The following KIRREL3 variants were observed in gnomAD, a reference collection of about 807,000 sequenced individuals.
KIRREL3 encodes kin of IRRE-like protein 3.
In KIRREL3, 36 loss-of-function variants were observed where a neutral mutation model predicts 89.7. The ratio of observed to expected loss-of-function variants is 0.40; its 90% confidence interval spans 0.31 to 0.53. The LOEUF (loss-of-function observed/expected upper bound fraction) is 0.53, where lower values mean the gene tolerates loss of function less well. Among genes scored for constraint, KIRREL3 ranks in the 20% least tolerant of loss-of-function variants. The pLI is 0.49. For missense variants in KIRREL3, 864 were observed against 1,056.6 expected (o/e 0.82, Z 2.53); for synonymous variants, 445 against 441.4 (o/e 1.01, Z -0.10).
Position 126,639,608 on chromosome 11 carries a change from G to C in KIRREL3, c.56-76696C>G, listed in dbSNP as rs764230850. ...GCTCTGCAAGCTGGAGATGAGATCG[G>C]CTAATCCTGACTCTATTCTTTCGTC... On this transcript the variant is annotated intron_variant, in intron 1 of 16. Transcript: ENST00000525144. The surrounding 1 kb of genome is among the most constrained non-coding windows in gnomAD (Gnocchi z 4.3). 3.3e-5 allele frequency among the ~76,000 whole-genome samples: 5 copies of C among 152,222 alleles called. No homozygotes were observed. Among genetic ancestry groups the C allele is most frequent in the Admixed American group, 1.3e-4 (2 of 15,282 alleles).
rs1256184334 is a variant in KIRREL3 at position 126,579,260 on chromosome 11, C to A, written c.56-16348G>T. Reference sequence around the variant, plus strand: ...TTATCATGTGGGAGGGTAGTTAGTTCCCAAACGCAGGTGAGTATAAAATCC... The same window carrying A: ...TTATCATGTGGGAGGGTAGTTAGTTACCAAACGCAGGTGAGTATAAAATCC... On this transcript the variant is annotated intron_variant, in intron 1 of 16. Transcript: ENST00000525144. The surrounding 1 kb of genome is among the most constrained non-coding windows in gnomAD (Gnocchi z 5.3). Among the ~76,000 whole-genome samples, 1 of 152,050 alleles carries A rather than the reference C, an allele frequency of 6.6e-6. No individual in the cohort carries two copies.
chr11:126,582,478 C>T (rs1453202221), intron 1 of KIRREL3, among the ~76,000 whole-genome samples: 3 of 152,160 alleles, frequency 2.0e-5, no homozygotes, highest in Non-Finnish European at 2.9e-5. Context: ...TCTGCTATAG[C>T]GGAAGAAAAT....
rs1940828852 is a variant in KIRREL3, at chr11:126,570,294, CCATT to C, written c.56-7386_56-7383del. Among the ~76,000 whole-genome samples, 1 of 152,102 alleles carries C rather than the reference CCATT, an allele frequency of 6.6e-6. No homozygotes were observed. Among genetic ancestry groups the C allele is most frequent in the African/African-American group, 2.4e-5 (1 of 41,416 alleles). The stretch of plus-strand genomic sequence containing the variant: ...AATTATACTAGAACTAAGTTTTTCC[CCATT>C]CATATTATCAATTAGTTGTTTTAAA... On this transcript the variant is annotated intron_variant, in intron 1 of 16. Transcript: ENST00000525144. This position sits in a 1 kb window ranked among gnomAD's most constrained non-coding sequence, Gnocchi z 6.1.
rs778021286 is a variant in KIRREL3, at chr11:126,476,426, T to C, written c.434-2960A>G. On this transcript the variant is annotated intron_variant, in intron 4 of 16. Transcript: ENST00000525144. The surrounding 1 kb of genome is among the most constrained non-coding windows in gnomAD (Gnocchi z 6.4). ...ACCCAGAGGACGGGCCCTTCCTCCTTGTGGCTGGAGTGTTGTGTTACTGGA... is the reference window on the plus strand; with the variant it reads ...ACCCAGAGGACGGGCCCTTCCTCCTCGTGGCTGGAGTGTTGTGTTACTGGA... Among the ~76,000 whole-genome samples, 34 of 151,978 alleles carry C rather than the reference T, an allele frequency of 2.2e-4. No homozygotes were observed. Among genetic ancestry groups the C allele is most frequent in the Non-Finnish European group, 4.0e-4 (27 of 67,972 alleles).
intron 1 of KIRREL3, among the ~76,000 whole-genome samples, chr11:126,834,853 G>A (rs1943726387): frequency 6.6e-6 from 1 of 152,240 alleles, no homozygotes; most frequent in Non-Finnish European, 1.5e-5. Flanking sequence ...GAAGCTCACA[G>A]CAAACAAATC....
intron 1 of KIRREL3, among the ~76,000 whole-genome samples, chr11:126,942,317 G>A (rs75456932): frequency 3.3e-5 from 5 of 152,126 alleles, no homozygotes; most frequent in African/African-American, 1.2e-4. Flanking sequence ...TAAACACTGA[G>A]TATCTTTAAC....
rs1171306684 is a variant in KIRREL3, at chr11:126,768,170, A to ATCC, written c.56-205259_56-205258insGGA. ...CATCCATCCATCCATCCATCCATCC[A>ATCC]ATCCATCCATCCATCCATCCATCCA... On this transcript the variant is annotated intron_variant, in intron 1 of 16. Transcript: ENST00000525144. The surrounding 1 kb of genome is among the most constrained non-coding windows in gnomAD (Gnocchi z 4.5). Among the ~76,000 whole-genome samples the ATCC allele has an allele frequency of 0.14, 10,442 of 77,158 alleles. 485 individuals carry two copies. Among genetic ancestry groups the ATCC allele is most frequent in the East Asian group, 0.42 (489 of 1,166 alleles). The allele number at this position is 77,158 out of a possible 152,430, so 50.6% of individuals were successfully genotyped here. A position where few individuals can be genotyped will look rare whatever the true frequency, so the allele number is the denominator to read the frequency against.
Position 126,791,130 on chromosome 11 carries a change from A to G in KIRREL3, c.55+209325T>C, listed in dbSNP as rs1041105455. Reference sequence around the variant, plus strand: ...ACAGGAAGGAAAAACCATCTTTGGTAACAAAAGATCAGAAATTGCCTCCTG... The same window carrying G: ...ACAGGAAGGAAAAACCATCTTTGGTGACAAAAGATCAGAAATTGCCTCCTG... On this transcript the variant is annotated intron_variant, in intron 1 of 16. Coordinates refer to ENST00000525144, the MANE Select transcript of KIRREL3 (RefSeq NM_032531.4). This position sits in a 1 kb window ranked among gnomAD's most constrained non-coding sequence, Gnocchi z 4.8. Among the ~76,000 whole-genome samples the G allele has an allele frequency of 6.6e-6, 1 of 152,158 alleles. No homozygotes were observed. The highest frequency in any genetic ancestry group is 1.5e-5 in the Non-Finnish European group (1 of 68,018).
chr11:126,882,650 A>G lies in KIRREL3; in HGVS notation c.55+117805T>C, dbSNP rs555464133. 3.9e-5 allele frequency among the ~76,000 whole-genome samples: 6 copies of G among 152,348 alleles called. No homozygotes were observed. The South Asian group carries it at 6.2e-4, about 16-fold the overall frequency. ...TTTTTCATGCTTTCTGGTGCTGCCAACAAATGTTGCAAAGGCAAGAGCCGA... is the reference window on the plus strand; with the variant it reads ...TTTTTCATGCTTTCTGGTGCTGCCAGCAAATGTTGCAAAGGCAAGAGCCGA... On this transcript the variant is annotated intron_variant, in intron 1 of 16. Transcript: ENST00000525144.
intron 1 of KIRREL3, among the ~76,000 whole-genome samples, chr11:126,711,243 C>T (rs182492269): frequency 1.2e-4 from 18 of 152,282 alleles, no homozygotes; most frequent in African/African-American, 3.6e-4. Context: ...GCCTGATGCG[C>T]GAGCACATAA....
chr11:126,920,096 T>C (rs993211157), intron 1 of KIRREL3: 1 of 152,254 alleles, frequency 6.6e-6, no homozygotes, highest in Non-Finnish European at 1.5e-5. Context: ...CTTGTCATTC[T>C]TCTTATTGTA....
At chr11:126,599,709 A>G (rs535603) in intron 1 of KIRREL3, among the ~76,000 whole-genome samples, 132,851 of 152,216 alleles carry the variant, frequency 0.87, 58,134 homozygotes, top group South Asian at 0.91. Context: ...GCTTCTCCAG[A>G]AACTCCCTCA....
intron 1 of KIRREL3, among the ~76,000 whole-genome samples, chr11:126,604,760 A>G (rs764797474): frequency 8.5e-5 from 13 of 152,208 alleles, no homozygotes; most frequent in Non-Finnish European, 1.6e-4. Flanking sequence ...CCAGGTGTCC[A>G]TGTTTGGAAC....
chr11:126,623,568 G>A lies in KIRREL3; in HGVS notation c.56-60656C>T, dbSNP rs1049770253. ...TCTTGCATGATGGAAGAGGAAACCA[G>A]GTAAGAGTGAGCAAGCAGGATGGTA... On this transcript the variant is annotated intron_variant, in intron 1 of 16. Transcript: ENST00000525144. This position sits in a 1 kb window ranked among gnomAD's most constrained non-coding sequence, Gnocchi z 4.1. Among the ~76,000 whole-genome samples, 2 of 152,086 alleles carry A rather than the reference G, an allele frequency of 1.3e-5. No homozygotes were observed. The highest frequency in any genetic ancestry group is 2.9e-5 in the Non-Finnish European group (2 of 68,026).
rs185736614 is a variant in KIRREL3 at position 126,565,809 on chromosome 11, C to A, written c.56-2897G>T. Among the ~76,000 whole-genome samples, 1 of 152,042 alleles carries A rather than the reference C, an allele frequency of 6.6e-6. No homozygotes were observed. The highest frequency in any genetic ancestry group is 1.5e-5 in the Non-Finnish European group (1 of 67,990). ...AGTGGGGAGGTGAATATTGTCCAAG[C>A]TACTAACCACAGAGAGAACCAGGAG... is the stretch of plus-strand genomic sequence containing the variant. On this transcript the variant is annotated intron_variant, in intron 1 of 16. Transcript: ENST00000525144. The surrounding 1 kb of genome is among the most constrained non-coding windows in gnomAD (Gnocchi z 5.4).
intron 4 of KIRREL3, among the ~76,000 whole-genome samples, chr11:126,504,863 A>G (rs1957973604): frequency 6.6e-6 from 1 of 152,260 alleles, no homozygotes; most frequent in Non-Finnish European, 1.5e-5. Flanking sequence ...CTGAAAATCA[A>G]TTACTGTAAT....
rs1468837637 is a variant in KIRREL3 at position 126,723,597 on chromosome 11, A to G, written c.56-160685T>C. On this transcript the variant is annotated intron_variant, in intron 1 of 16. Transcript: ENST00000525144. This position sits in a 1 kb window ranked among gnomAD's most constrained non-coding sequence, Gnocchi z 4.0. Reference sequence around the variant, plus strand: ...AAAATAAAGGCCTTAGTGGATCTCAACTTCAGCAAACAGAACATTTTCTAC... The same window carrying G: ...AAAATAAAGGCCTTAGTGGATCTCAGCTTCAGCAAACAGAACATTTTCTAC... 1.3e-5 allele frequency among the ~76,000 whole-genome samples: 2 copies of G among 152,210 alleles called. No individual in the cohort carries two copies. Among genetic ancestry groups the G allele is most frequent in the Admixed American group, 6.5e-5 (1 of 15,284 alleles).
chr11:126,593,879 C>A (rs1426366422), intron 1 of KIRREL3, among the ~76,000 whole-genome samples: 2 of 152,184 alleles, frequency 1.3e-5, no homozygotes, highest in Admixed American at 1.3e-4. Flanking sequence ...GTTGCCATCA[C>A]TGCGAGACTC....
rs148625762 is a variant in KIRREL3, at chr11:126,828,566, C to T, written c.55+171889G>A. Among the ~76,000 whole-genome samples, 268 of 152,238 alleles carry T rather than the reference C, an allele frequency of 1.8e-3. 3 individuals carry two copies. The South Asian group carries it at 0.036, about 21-fold the overall frequency. On this transcript the variant is annotated intron_variant, in intron 1 of 16. Transcript: ENST00000525144. ...GAGTGGGGGGCAAGACAGGTGTCAA[C>T]GCAGCAGACATGAAGGGTGCACTCT...
Sources: gnomAD v4.1 joint callset for allele counts (sites outside exome capture counted in the v4.1 genomes callset) on GRCh38, gnomAD v4.1.1 for gene constraint, Gnocchi (gnomAD v3.1) non-coding constraint, MANE v1.5 for transcripts, NCBI Gene and HGNC (gene_info 2026-07-23, HGNC 2026-07-21) for gene names.